The following BNC2 variants were observed in gnomAD, a reference collection of about 807,000 sequenced individuals.
BNC2 encodes the protein basonuclin zinc finger protein 2.
In BNC2, 20 loss-of-function variants were observed where a neutral mutation model predicts 76.3. The ratio of observed to expected loss-of-function variants is 0.26; its 90% CI spans 0.18 to 0.38. BNC2 has a LOEUF of 0.38. BNC2 is among the 10% of genes least tolerant of loss of function. The probability of loss-of-function intolerance (pLI) is 1.00; values close to 1 mark genes in which losing one functional copy is unlikely to be tolerated. For missense variants in BNC2, 1,382 were observed against 1,399.8 expected (o/e 0.99, Z 0.20); for synonymous variants, 582 against 514.8 (o/e 1.13, Z -1.77).
intron 1 of BNC2, among the ~76,000 whole-genome samples, chr9:16,772,000 G>A (rs536855254): frequency 2.6e-5 from 4 of 152,216 alleles, no homozygotes; most frequent in South Asian, 2.1e-4. Flanking sequence ...TCTACCAGAT[G>A]TAAGTGAATA....
chr9:16,845,652 C>T (rs778515429), intron 1 of BNC2, among the ~76,000 whole-genome samples: 36 of 151,974 alleles, frequency 2.4e-4, no homozygotes, highest in South Asian at 6.2e-4. Flanking sequence ...ACTTGAGAGG[C>T]GGAGCTTGCA....
intron 5 of BNC2, among the ~76,000 whole-genome samples, chr9:16,476,899 T>C (rs1189665609): frequency 2.0e-5 from 3 of 152,162 alleles, no homozygotes; most frequent in Non-Finnish European, 4.4e-5. Context: ...GTCCAATTTG[T>C]GGGTTTTACA....
At chr9:16,778,845 A>G (rs1316004290) in intron 1 of BNC2, among the ~76,000 whole-genome samples, 1 of 152,212 alleles carries the variant, frequency 6.6e-6, no homozygotes, top group Non-Finnish European at 1.5e-5. Flanking sequence ...GGGCAGAGGA[A>G]GGGGAAAGGC....
intron 4 of BNC2, among the ~76,000 whole-genome samples, chr9:16,556,466 AG>A (rs1818834696): frequency 6.6e-6 from 1 of 151,130 alleles, no homozygotes; most frequent in African/African-American, 2.4e-5. Context: ...CCATAGATGA[AG>A]ACTTAAAAAA....
At chr9:16,620,014 C>T (rs548062405) in intron 3 of BNC2, among the ~76,000 whole-genome samples, 25 of 152,284 alleles carry the variant, frequency 1.6e-4, no homozygotes, top group African/African-American at 5.8e-4. Context: ...CCACGTATGG[C>T]CTTCTTCCCG....
intron 3 of BNC2, among the ~76,000 whole-genome samples, chr9:16,719,612 T>C (rs1166952285): frequency 1.3e-5 from 2 of 152,250 alleles, no homozygotes; most frequent in East Asian, 3.8e-4. Flanking sequence ...GGTAACAATA[T>C]TGAAAGCTAT....
intron 1 of BNC2, among the ~76,000 whole-genome samples, chr9:16,815,108 G>C (rs1304544218): frequency 6.6e-6 from 1 of 152,114 alleles, no homozygotes; most frequent in Non-Finnish European, 1.5e-5. Flanking sequence ...CCTTTGAAAA[G>C]CAGCTGCCCA....
intron 5 of BNC2, among the ~76,000 whole-genome samples, chr9:16,502,779 A>G (rs1302718554): frequency 6.6e-6 from 1 of 152,216 alleles, no homozygotes; most frequent in Admixed American, 6.5e-5. Context: ...CAACAGTAAG[A>G]TTTATTCTGC....
chr9:16,493,838 T>C (rs7030293), intron 5 of BNC2, among the ~76,000 whole-genome samples: 112,833 of 152,042 alleles, frequency 0.74, 43,222 homozygotes, highest in African/African-American at 0.93. Flanking sequence ...GATGCAGCAG[T>C]AAGTAGAAAG....
chr9:16,727,532 T>A (rs1824375285), intron 3 of BNC2: 1 of 479,444 alleles, frequency 2.1e-6, no homozygotes, highest in Admixed American at 3.7e-5. Flanking sequence ...TGACCCAGAT[T>A]GTACTGTGAA....
In BNC2 at chr9:16,780,032, C is replaced by A. The variant is rs773825772; in HGVS notation, c.4-41547G>T. ...CGGGCGGATCACAAGGTCAGCAGATCGAGACCATCCTGGCTAACATGGTGA... is the reference window on the plus strand; with the variant it reads ...CGGGCGGATCACAAGGTCAGCAGATAGAGACCATCCTGGCTAACATGGTGA... On this transcript the variant is annotated intron_variant, in intron 1 of 6. Transcript: ENST00000380672. Among the ~76,000 whole-genome samples, 7 of 150,678 alleles carry A rather than the reference C, an allele frequency of 4.6e-5. No individual in the cohort carries two copies. The East Asian group carries it at 1.4e-3, about 30-fold the overall frequency.
chr9:16,473,874 AAAAT>A (rs1445964433), intron 5 of BNC2, among the ~76,000 whole-genome samples: 1 of 152,198 alleles, frequency 6.6e-6, no homozygotes, highest in East Asian at 1.9e-4. Flanking sequence ...CTCTGTCTCA[AAAAT>A]AAATAAATAA....
At chr9:16,783,940 G>C (rs1334936887) in intron 1 of BNC2, among the ~76,000 whole-genome samples, 1 of 152,044 alleles carries the variant, frequency 6.6e-6, no homozygotes, top group Non-Finnish European at 1.5e-5. Context: ...GAAAATGTTG[G>C]AAGATTTTAG....
At chr9:16,775,617 G>C (rs766913766) in intron 1 of BNC2, 63 of 184,178 alleles carry the variant, frequency 3.4e-4, no homozygotes, top group Admixed American at 9.0e-4. Flanking sequence ...GAAAGACCTT[G>C]ATCCCAGTGG....
At position 16,427,386 on chromosome 9, in the gene BNC2, C is replaced by A. The variant is rs188088671; in HGVS notation, c.2640-7737G>T. 6.6e-5 allele frequency among the ~76,000 whole-genome samples: 10 copies of A among 152,290 alleles called. No individual in the cohort carries two copies. In the East Asian group the frequency reaches 1.9e-3, roughly 29 times the overall value. On this transcript the variant is annotated intron_variant, in intron 6 of 6. Transcript: ENST00000380672. ...TGATTACTGATATGTGTGTTTCCAG[C>A]AGTTTATCATATTGCTTTGGCTGCC... is the stretch of plus-strand genomic sequence containing the variant.
chr9:16,738,589 G>T (rs1824750443), intron 1 of BNC2, 104 bp from the exon 2 acceptor site: 3 of 1,263,332 alleles, frequency 2.4e-6, no homozygotes, highest in African/African-American at 1.5e-5. Context: ...ACACACCAAT[G>T]ACCAACTAAA....
intron 3 of BNC2, chr9:16,665,131 G>T: frequency 2.2e-6 from 1 of 452,914 alleles, no homozygotes. Flanking sequence ...CACTTTGGAA[G>T]TCCAAGACGG....
intron 1 of BNC2, among the ~76,000 whole-genome samples, chr9:16,746,367 G>A (rs1296580678): frequency 6.6e-6 from 1 of 151,758 alleles, no homozygotes; most frequent in Non-Finnish European, 1.5e-5. Flanking sequence ...TTTGTTTTTT[G>A]TTTGTTTGCT....
intron 5 of BNC2, among the ~76,000 whole-genome samples, chr9:16,496,966 A>G (rs1822404046): frequency 6.6e-6 from 1 of 152,258 alleles, no homozygotes; most frequent in Non-Finnish European, 1.5e-5. Flanking sequence ...TACTACTACC[A>G]TCATCAACAT....
Sources: gnomAD v4.1 joint callset for allele counts (sites outside exome capture counted in the v4.1 genomes callset) on GRCh38, gnomAD v4.1.1 for gene constraint, MANE v1.5 for transcripts, NCBI Gene and HGNC (gene_info 2026-07-23, HGNC 2026-07-21) for gene names.